Variants in LUZP2 observed in about 807,000 individuals in gnomAD.
LUZP2 encodes leucine zipper protein 2.
LUZP2 carries 52 observed loss-of-function variants against 51.6 expected under a neutral mutation model. The ratio of observed to expected loss-of-function variants is 1.01; its 90% CI spans 0.81 to 1.27. LUZP2 has a LOEUF of 1.27. Ranked by LOEUF, LUZP2 falls within the 50% of genes most tolerant of loss-of-function variation. The probability of loss-of-function intolerance (pLI) is 0.00; values close to 1 mark genes in which losing one functional copy is unlikely to be tolerated. For missense variants in LUZP2, 436 were observed against 395.4 expected, an observed-to-expected ratio of 1.10 and a Z score of -0.87; for synonymous variants, 154 against 137.3, an observed-to-expected ratio of 1.12 and a Z score of -0.85.
chr11:24,906,227 G>T (rs567247106), intron 6 of LUZP2, among the ~76,000 whole-genome samples, 174 bp downstream of exon 6: 176 of 149,250 alleles, frequency 1.2e-3, no homozygotes, highest in Non-Finnish European at 2.3e-3. Flanking sequence ...TTTTAACATT[G>T]CAATAGCCAA....
At chr11:24,802,988 T>C (rs1849736888) in intron 5 of LUZP2, among the ~76,000 whole-genome samples, 1 of 152,086 alleles carries the variant, frequency 6.6e-6, no homozygotes, top group African/African-American at 2.4e-5. Context: ...AATAACTTTC[T>C]GTTATTTATA....
At chr11:25,011,560 G>A (rs1045077062) in intron 9 of LUZP2, among the ~76,000 whole-genome samples, 1 of 152,064 alleles carries the variant, frequency 6.6e-6, no homozygotes, top group African/African-American at 2.4e-5. Flanking sequence ...TTTCTATAGG[G>A]TATGTAAAAT....
intron 4 of LUZP2, among the ~76,000 whole-genome samples, chr11:24,747,110 T>C (rs928298899): frequency 6.6e-6 from 1 of 151,932 alleles, no homozygotes; most frequent in African/African-American, 2.4e-5. Context: ...TTTTTGGGGG[T>C]GTTAAAGAGC....
At chr11:24,836,330 T>A (rs1055025949) in intron 5 of LUZP2, among the ~76,000 whole-genome samples, 2 of 151,874 alleles carry the variant, frequency 1.3e-5, no homozygotes, top group South Asian at 2.1e-4. Context: ...GTCTTTAAAA[T>A]TTTTTTATCC....
chr11:24,742,732 C>A (rs930612827), intron 4 of LUZP2, among the ~76,000 whole-genome samples: 1 of 151,944 alleles, frequency 6.6e-6, no homozygotes, highest in African/African-American at 2.4e-5. Flanking sequence ...GTTTTTATTG[C>A]GTTTGCTTTT....
chr11:24,954,572 T>C (rs1855164204), intron 7 of LUZP2, among the ~76,000 whole-genome samples: 1 of 152,020 alleles, frequency 6.6e-6, no homozygotes, highest in African/African-American at 2.4e-5. Flanking sequence ...ATGTTTGGAC[T>C]CATTGCCTCC....
chr11:25,029,040 C>T (rs914122031), intron 9 of LUZP2, among the ~76,000 whole-genome samples: 4 of 152,050 alleles, frequency 2.6e-5, no homozygotes, highest in African/African-American at 9.7e-5. Context: ...AACAATTGAA[C>T]TCATGGACAT....
chr11:25,071,037 G>T (rs1056405375), intron 10 of LUZP2, among the ~76,000 whole-genome samples: 1 of 151,848 alleles, frequency 6.6e-6, no homozygotes, highest in African/African-American at 2.4e-5. Context: ...AACCATTCGT[G>T]TAAAGCATAT....
At chr11:25,035,877 T>G (rs1857842658) in intron 9 of LUZP2, among the ~76,000 whole-genome samples, 1 of 152,128 alleles carries the variant, frequency 6.6e-6, no homozygotes, top group South Asian at 2.1e-4. Context: ...GCTAATATTT[T>G]GTTGAGTCTT....
chr11:24,967,994 GT>G (rs1855636446), intron 7 of LUZP2, among the ~76,000 whole-genome samples: 6 of 152,130 alleles, frequency 3.9e-5, no homozygotes, highest in Middle Eastern at 3.4e-3. Flanking sequence ...ATTTTTAATT[GT>G]TGTTCTAGAA....
At chr11:24,649,976 GACACACAC>G (rs138976467) in intron 1 of LUZP2, among the ~76,000 whole-genome samples, 5,507 of 146,976 alleles carry the variant, frequency 0.037, 123 homozygotes, top group South Asian at 0.076. Context: ...TACACACAGA[GACACACAC>G]ACACACACAC....
intron 9 of LUZP2, among the ~76,000 whole-genome samples, chr11:24,995,275 C>A (rs1351539668): frequency 6.6e-6 from 1 of 152,018 alleles, no homozygotes; most frequent in Non-Finnish European, 1.5e-5. Flanking sequence ...CGCCTGTAGT[C>A]CCAGCTACTT....
chr11:24,670,464 G>T (rs1856367912), intron 1 of LUZP2, among the ~76,000 whole-genome samples: 1 of 151,948 alleles, frequency 6.6e-6, no homozygotes, highest in African/African-American at 2.4e-5. Flanking sequence ...GTTGACTTCA[G>T]AATGTGAGTT....
intron 7 of LUZP2, among the ~76,000 whole-genome samples, chr11:24,952,316 C>A (rs956176005): frequency 6.6e-6 from 1 of 151,468 alleles, no homozygotes; most frequent in Non-Finnish European, 1.5e-5. Context: ...AATGTTGGCA[C>A]GTGTTTTTGC....
At chr11:24,889,776 G>A (rs893537033) in intron 5 of LUZP2, among the ~76,000 whole-genome samples, 2 of 152,080 alleles carry the variant, frequency 1.3e-5, no homozygotes, top group Admixed American at 6.6e-5. Context: ...TTAGCTTTAC[G>A]GAAACATTTC....
intron 9 of LUZP2, among the ~76,000 whole-genome samples, chr11:25,001,495 A>T (rs1856680790): frequency 6.6e-6 from 1 of 152,128 alleles, no homozygotes; most frequent in Non-Finnish European, 1.5e-5. Context: ...TGGGTTAAGG[A>T]TTATTTATAG....
Position 24,692,689 on chromosome 11 carries a change from A to G in LUZP2, c.63-36480A>G, listed in dbSNP as rs1029569856. Among the ~76,000 whole-genome samples, 16 of 152,070 alleles carry G rather than the reference A, an allele frequency of 1.1e-4. 1 individual carries two copies. In the South Asian group the frequency reaches 2.9e-3, roughly 28 times the overall value. The stretch of plus-strand genomic sequence containing the variant: ...AGTTTTTTCAGCCACATATTGTGCC[A>G]TTTGGCTATATATTGAGAAAAAAAT... On this transcript the variant is annotated intron_variant, in intron 1 of 11. Coordinates refer to ENST00000336930, the MANE Select transcript of LUZP2 (RefSeq NM_001009909.4).
intron 1 of LUZP2, among the ~76,000 whole-genome samples, chr11:24,724,215 A>G (rs1263364808): frequency 6.6e-6 from 1 of 152,186 alleles, no homozygotes; most frequent in Non-Finnish European, 1.5e-5. Flanking sequence ...ACTAAGAAAG[A>G]TAGTATCACT....
At chr11:24,895,919 C>T (rs1467056725) in intron 5 of LUZP2, among the ~76,000 whole-genome samples, 2 of 152,214 alleles carry the variant, frequency 1.3e-5, no homozygotes, top group Non-Finnish European at 2.9e-5. Context: ...CTTCAAACTG[C>T]TTTCCATGGT....
Sources: gnomAD v4.1 joint callset for allele counts (sites outside exome capture counted in the v4.1 genomes callset) on GRCh38, gnomAD v4.1.1 for gene constraint, MANE v1.5 for transcripts, NCBI Gene and HGNC (gene_info 2026-07-23, HGNC 2026-07-21) for gene names.